Variants in DPP10 observed in about 807,000 individuals in gnomAD.
The protein encoded by DPP10 is inactive dipeptidyl peptidase 10.
A neutral mutation model predicts 120.9 loss-of-function variants in DPP10; 33 were observed. That is an observed-to-expected ratio of 0.27 (90% CI 0.21 to 0.37). The LOEUF (loss-of-function observed/expected upper bound fraction) is 0.37, where lower values mean the gene tolerates loss of function less well. Ranked by LOEUF, DPP10 falls within the 10% of genes least tolerant of loss-of-function variation. The pLI is 1.00. For missense variants in DPP10, 816 were observed against 942.8 expected, an observed-to-expected ratio of 0.87 and a Z score of 1.76; for synonymous variants, 337 against 326.1, an observed-to-expected ratio of 1.03 and a Z score of -0.36.
intron 1 of DPP10, among the ~76,000 whole-genome samples, chr2:114,854,232 T>C (rs1404664013): frequency 6.6e-6 from 1 of 152,224 alleles, no homozygotes; most frequent in Non-Finnish European, 1.5e-5. Context: ...GAGATATATT[T>C]GTAAAGCATT....
intron 5 of DPP10, among the ~76,000 whole-genome samples, chr2:115,553,838 T>G (rs1282565334): frequency 6.6e-6 from 1 of 151,764 alleles, no homozygotes; most frequent in Non-Finnish European, 1.5e-5. Flanking sequence ...TTTTCTTAAA[T>G]GATTTCCTTA....
chr2:115,262,784 A>G (rs902037230), intron 1 of DPP10, among the ~76,000 whole-genome samples: 2 of 152,188 alleles, frequency 1.3e-5, no homozygotes, highest in Non-Finnish European at 2.9e-5. Flanking sequence ...ACTGGCATCT[A>G]CATATTGACT....
At chr2:115,816,504 C>A (rs375225819) in intron 21 of DPP10, among the ~76,000 whole-genome samples, 4 of 151,926 alleles carry the variant, frequency 2.6e-5, no homozygotes, top group Non-Finnish European at 4.4e-5. Context: ...GCTCTCTGCA[C>A]GATATTTACT....
intron 1 of DPP10, among the ~76,000 whole-genome samples, chr2:115,246,531 C>A (rs1271067970): frequency 6.6e-6 from 1 of 152,038 alleles, no homozygotes; most frequent in Non-Finnish European, 1.5e-5. Flanking sequence ...CCGTAAGTGG[C>A]CTCACAGAGA....
chr2:114,939,675 TTA>T (rs1436642819), intron 1 of DPP10, among the ~76,000 whole-genome samples: 1 of 152,178 alleles, frequency 6.6e-6, no homozygotes, highest in Non-Finnish European at 1.5e-5. Flanking sequence ...CTCTTAATTT[TTA>T]AGAAACTTAC....
chr2:115,686,545 G>A (rs1376518683), intron 5 of DPP10, among the ~76,000 whole-genome samples: 1 of 151,964 alleles, frequency 6.6e-6, no homozygotes, highest in Non-Finnish European at 1.5e-5. Flanking sequence ...TGCAAACAAT[G>A]AAAATTGTCT....
chr2:115,167,605 A>T (rs1317793503), intron 1 of DPP10, among the ~76,000 whole-genome samples: 2 of 119,358 alleles, frequency 1.7e-5, no homozygotes, highest in Non-Finnish European at 3.3e-5. Flanking sequence ...AGACCGTCTC[A>T]AAAAAAAAAA....
At chr2:115,117,303 G>A (rs1020909285) in intron 1 of DPP10, among the ~76,000 whole-genome samples, 1 of 152,184 alleles carries the variant, frequency 6.6e-6, no homozygotes, top group Non-Finnish European at 1.5e-5. Flanking sequence ...AAAATTCACT[G>A]CAATGTTCTG....
chr2:115,407,572 A>G (rs1027273618), intron 3 of DPP10, among the ~76,000 whole-genome samples: 2 of 152,148 alleles, frequency 1.3e-5, no homozygotes, highest in Admixed American at 6.5e-5. Flanking sequence ...AGGTTATTAG[A>G]AAACATGTAT....
intron 1 of DPP10, among the ~76,000 whole-genome samples, chr2:115,009,734 C>A (rs1702126120): frequency 6.6e-6 from 1 of 152,024 alleles, no homozygotes; most frequent in South Asian, 2.1e-4. Flanking sequence ...ATGTAACACA[C>A]CTGCACGTTC....
At chr2:115,786,611 G>A (rs1036350922) in intron 17 of DPP10, among the ~76,000 whole-genome samples, 7 of 152,062 alleles carry the variant, frequency 4.6e-5, no homozygotes, top group Admixed American at 6.6e-5. Flanking sequence ...CTGAAAGAAG[G>A]AAACAAGTAC....
At chr2:115,000,190 AT>A (rs1383171657) in intron 1 of DPP10, among the ~76,000 whole-genome samples, 1 of 151,838 alleles carries the variant, frequency 6.6e-6, no homozygotes, top group Non-Finnish European at 1.5e-5. Flanking sequence ...CCTCATTTTA[AT>A]TAGATTTTTA....
At chr2:115,687,368 C>A (rs924022881) in intron 5 of DPP10, among the ~76,000 whole-genome samples, 1 of 152,014 alleles carries the variant, frequency 6.6e-6, no homozygotes, top group Non-Finnish European at 1.5e-5. Flanking sequence ...GCTGGGAACA[C>A]ACACACATGC....
At chr2:115,339,929 A>G (rs1301485924) in intron 2 of DPP10, among the ~76,000 whole-genome samples, 3 of 152,172 alleles carry the variant, frequency 2.0e-5, no homozygotes, top group African/African-American at 7.2e-5. Context: ...GCACGTGAAT[A>G]AATGAATACA....
Position 115,122,868 on chromosome 2 carries a change from C to T in DPP10, c.61-186371C>T, listed in dbSNP as rs1294647149. Among the ~76,000 whole-genome samples, 3 of 152,296 alleles carry T rather than the reference C, an allele frequency of 2.0e-5. No individual in the cohort carries two copies. The East Asian group carries it at 5.8e-4, about 29-fold the overall frequency. ...GCAGACTCCAAGGTCCTTCCCAACC[C>T]CATGAGTCACTCATCAGGGGGAGCT... On this transcript the variant is annotated intron_variant, in intron 1 of 25. Transcript: ENST00000410059.
At chr2:115,260,532 G>A (rs1301080278) in intron 1 of DPP10, among the ~76,000 whole-genome samples, 3 of 152,108 alleles carry the variant, frequency 2.0e-5, no homozygotes, top group South Asian at 2.1e-4. Flanking sequence ...CTCAAACAAA[G>A]TAGATTTACA....
chr2:115,039,381 T>A (rs913213830), intron 1 of DPP10, among the ~76,000 whole-genome samples: 1 of 152,196 alleles, frequency 6.6e-6, no homozygotes, highest in Non-Finnish European at 1.5e-5. Flanking sequence ...ATCTTTTAAA[T>A]AACAATAACT....
At chr2:115,407,162 A>G (rs1482462271) in intron 3 of DPP10, among the ~76,000 whole-genome samples, 2 of 152,166 alleles carry the variant, frequency 1.3e-5, no homozygotes, top group African/African-American at 2.4e-5. Context: ...CTGAGCCTCT[A>G]CCCTGTCTCT....
chr2:114,604,336 C>G (rs982505496), intron 1 of DPP10, among the ~76,000 whole-genome samples: 8 of 152,076 alleles, frequency 5.3e-5, no homozygotes, highest in African/African-American at 1.9e-4. Context: ...ATAGCAGTCT[C>G]AGGCCTTCTC....
Sources: gnomAD v4.1 joint callset for allele counts (sites outside exome capture counted in the v4.1 genomes callset) on GRCh38, gnomAD v4.1.1 for gene constraint, MANE v1.5 for transcripts, NCBI Gene and HGNC (gene_info 2026-07-23, HGNC 2026-07-21) for gene names.